TCF12: variants seen among roughly 807,000 people sequenced by gnomAD.
TCF12 encodes the protein DNA-binding protein HTF4.
A neutral mutation model predicts 86.0 loss-of-function variants in TCF12; 45 were observed. The ratio of observed to expected loss-of-function variants is 0.52; its 90% CI spans 0.41 to 0.67. TCF12 has a LOEUF of 0.67. Among genes scored for constraint, TCF12 ranks in the 30% least tolerant of loss-of-function variants. The pLI is 0.00. For synonymous variants in TCF12, 330 were observed against 299.6 expected, an observed-to-expected ratio of 1.10 and a Z score of -1.05; for missense variants, 881 against 859.9, an observed-to-expected ratio of 1.02 and a Z score of -0.31.
intron 8 of TCF12, among the ~76,000 whole-genome samples, chr15:57,219,955 A>G (rs1364842077): frequency 6.6e-6 from 1 of 151,830 alleles, no homozygotes; most frequent in Non-Finnish European, 1.5e-5. Flanking sequence ...CGAACTCCTG[A>G]CCTCAGGTGA....
chr15:57,217,039 G>A lies in TCF12; in HGVS notation c.580-14113G>A, dbSNP rs533683354. The stretch of plus-strand genomic sequence containing the variant: ...AGTTTTTATATCTATGCTCAATTTA[G>A]GCAGTAGTGTATACCAAGTGACTAC... On this transcript the variant is annotated intron_variant, in intron 8 of 20. Coordinates refer to ENST00000333725, the MANE Select transcript of TCF12 (RefSeq NM_207037.2). Among the ~76,000 whole-genome samples, 5 of 152,038 alleles carry A rather than the reference G, an allele frequency of 3.3e-5. No homozygotes were observed. In the South Asian group the frequency reaches 1.0e-3, roughly 32 times the overall value.
intron 5 of TCF12, among the ~76,000 whole-genome samples, chr15:57,128,075 G>A (rs1359747518): frequency 6.6e-6 from 1 of 152,076 alleles, no homozygotes; most frequent in Non-Finnish European, 1.5e-5. Context: ...GGATCCCTTG[G>A]AGTTCTGTGC....
At chr15:57,119,021 T>G (rs1318842879) in intron 5 of TCF12, among the ~76,000 whole-genome samples, 6 of 152,234 alleles carry the variant, frequency 3.9e-5, no homozygotes, top group Non-Finnish European at 5.9e-5. Flanking sequence ...TTTTATCATG[T>G]ACTGTGATAG....
chr15:57,199,018 T>C (rs2057405844), intron 8 of TCF12, among the ~76,000 whole-genome samples: 1 of 152,202 alleles, frequency 6.6e-6, no homozygotes, highest in Non-Finnish European at 1.5e-5. Flanking sequence ...CAGTTCCAGA[T>C]GGATCTGAGT....
At chr15:57,158,756 C>CTTGGCA (rs1429493188) in intron 5 of TCF12, among the ~76,000 whole-genome samples, 1 of 152,184 alleles carries the variant, frequency 6.6e-6, no homozygotes, top group East Asian at 1.9e-4. Context: ...CTCACTCACA[C>CTTGGCA]TTGGCATTTT....
intron 17 of TCF12, 149 bp downstream of exon 17, chr15:57,262,357 T>C: frequency 1.5e-6 from 1 of 658,710 alleles, no homozygotes; most frequent in Non-Finnish European, 2.6e-6. Context: ...ATATTTAGGG[T>C]TCCAACTGGC....
chr15:57,054,828 T>A (rs1269119903), intron 3 of TCF12, among the ~76,000 whole-genome samples: 2 of 120,064 alleles, frequency 1.7e-5, no homozygotes, highest in Non-Finnish European at 3.3e-5. Context: ...GATGTTAACA[T>A]ACATCATTAA....
At chr15:57,087,374 T>G (rs1464124291) in intron 4 of TCF12, among the ~76,000 whole-genome samples, 4 of 146,558 alleles carry the variant, frequency 2.7e-5, no homozygotes, top group African/African-American at 5.1e-5. Context: ...ATCATGCCAC[T>G]GCACTCCAGC....
At chr15:57,030,634 G>T (rs928094599) in intron 3 of TCF12, among the ~76,000 whole-genome samples, 1 of 151,980 alleles carries the variant, frequency 6.6e-6, no homozygotes, top group Non-Finnish European at 1.5e-5. Context: ...GAAAACTATC[G>T]CCCATTGTCT....
At chr15:57,285,079 T>TA (rs1387447192) in intron 20 of TCF12, among the ~76,000 whole-genome samples, 2 of 152,232 alleles carry the variant, frequency 1.3e-5, no homozygotes, top group Non-Finnish European at 2.9e-5. Flanking sequence ...TTCATAAAGA[T>TA]AGTTATCTGG....
intron 3 of TCF12, among the ~76,000 whole-genome samples, chr15:56,928,294 C>G (rs568657356): frequency 6.6e-6 from 1 of 151,718 alleles, no homozygotes; most frequent in Non-Finnish European, 1.5e-5. Context: ...AAAATGGTAG[C>G]TGCTATTATT....
intron 4 of TCF12, among the ~76,000 whole-genome samples, chr15:57,069,046 G>C (rs1257069377): frequency 3.9e-5 from 6 of 152,104 alleles, no homozygotes; most frequent in Non-Finnish European, 8.8e-5. Context: ...ATGTCAAGAG[G>C]CCAGGTCATC....
rs144814892 is a variant in TCF12, at chr15:57,163,393, A to C, written c.326-3009A>C. On this transcript the variant is annotated intron_variant, in intron 5 of 20. Coordinates refer to ENST00000333725, the MANE Select transcript of TCF12 (RefSeq NM_207037.2). ...CATCTGTTAACCCTTTAGATATGCAAAATAATCCTTGAAATAATAATGCTA... is the reference window on the plus strand; with the variant it reads ...CATCTGTTAACCCTTTAGATATGCACAATAATCCTTGAAATAATAATGCTA... 7.2e-5 allele frequency among the ~76,000 whole-genome samples: 11 copies of C among 152,236 alleles called. No homozygotes were observed. In the East Asian group the frequency reaches 2.1e-3, roughly 29 times the overall value.
chr15:57,219,488 A>G, intron 8 of TCF12: 1 of 1,604,824 alleles, frequency 6.2e-7, no homozygotes, highest in Non-Finnish European at 8.5e-7. Context: ...GGCTGTGTGC[A>G]TTAGCTACAA....
chr15:57,028,105 A>G (rs1340522510), intron 3 of TCF12, among the ~76,000 whole-genome samples: 8 of 152,116 alleles, frequency 5.3e-5, no homozygotes, highest in African/African-American at 1.9e-4. Context: ...CTGGGAACAC[A>G]GGCACGCATC....
intron 2 of TCF12, among the ~76,000 whole-genome samples, chr15:56,920,286 C>T (rs1256701072): frequency 1.3e-5 from 2 of 152,064 alleles, no homozygotes; most frequent in African/African-American, 4.8e-5. Context: ...TTGAGTCACC[C>T]TCCCACCGCG....
chr15:56,987,413 C>A (rs1416534455), intron 3 of TCF12, among the ~76,000 whole-genome samples: 5 of 152,090 alleles, frequency 3.3e-5, no homozygotes, highest in African/African-American at 4.8e-5. Context: ...CCGTGCCTGG[C>A]CTAATTAGTT....
rs2064739228 is a variant in TCF12, at chr15:57,010,198, A to G, written c.149-53552A>G. ...AACTCCTTAACTATAAGAGAAGGCC[A>G]GGGAATGTTCAAAATCTAAAATTTG... On this transcript the variant is annotated intron_variant, in intron 3 of 20. Transcript: ENST00000333725. 2.0e-5 allele frequency among the ~76,000 whole-genome samples: 3 copies of G among 152,174 alleles called. No homozygotes were observed. In the South Asian group the frequency reaches 6.2e-4, roughly 32 times the overall value.
At chr15:57,078,924 TAAGAA>T (rs1369831130) in intron 4 of TCF12, among the ~76,000 whole-genome samples, 3 of 152,208 alleles carry the variant, frequency 2.0e-5, no homozygotes, top group African/African-American at 7.2e-5. Context: ...AGGAAGGGTA[TAAGAA>T]AAGAAAGGTA....
Sources: allele counts gnomAD v4.1 joint callset (sites outside exome capture counted in the v4.1 genomes callset), GRCh38; gene constraint gnomAD v4.1.1; transcripts MANE v1.5; gene names NCBI Gene and HGNC (gene_info 2026-07-23, HGNC 2026-07-21).